Variants in ATP9B observed in about 807,000 individuals in gnomAD.
ATP9B encodes ATPase phospholipid transporting 9B.
ATP9B carries 110 observed loss-of-function variants against 146.1 expected under a neutral mutation model. The ratio of observed to expected loss-of-function variants is 0.75; its 90% CI spans 0.65 to 0.88. The LOEUF (loss-of-function observed/expected upper bound fraction) is 0.88, where lower values mean the gene tolerates loss of function less well. Ranked by LOEUF, ATP9B falls within the 40% of genes least tolerant of loss-of-function variation. The pLI, the probability that ATP9B is intolerant of heterozygous loss-of-function variation, is 0.00. For synonymous variants in ATP9B, 604 were observed against 569.7 expected (o/e 1.06, Z -0.86); for missense variants, 1,499 against 1,496.4 (o/e 1.00, Z -0.03).
intron 1 of ATP9B, among the ~76,000 whole-genome samples, chr18:79,087,123 T>C (rs1490004203): frequency 1.3e-5 from 2 of 152,098 alleles, no homozygotes; most frequent in African/African-American, 4.8e-5. Context: ...TGGGAGAAGA[T>C]GGGAGGGCAA....
Position 79,337,377 on chromosome 18 carries a change from C to T in ATP9B, c.2211C>T (p.Leu737=). 3 of 1,614,060 alleles carry T rather than the reference C, an allele frequency of 1.9e-6. No homozygotes were observed. The highest frequency in any genetic ancestry group is 2.5e-6 in the Non-Finnish European group (3 of 1,180,038). The change falls in exon 19 of 30, where the codon CTC becomes CTT. Residue 737 remains leucine, a synonymous_variant. Coordinates refer to ENST00000426216, the MANE Select transcript of ATP9B (RefSeq NM_198531.5). ...SLEREMELLC[L]TGVEDQLQAD... is the part of the protein sequence containing the mutation. ...AGAGGGAGATGGAACTGCTGTGCCT[C>T]ACCGGCGTGGAGGACCAGCTGCAGG...
At chr18:79,292,206 C>G (rs1042406687) in intron 13 of ATP9B, among the ~76,000 whole-genome samples, 1 of 152,150 alleles carries the variant, frequency 6.6e-6, no homozygotes, top group Non-Finnish European at 1.5e-5. Flanking sequence ...ATTCAGGGTT[C>G]TAGCCAATGC....
At chr18:79,374,492 G>C (rs111613257) in intron 28 of ATP9B, among the ~76,000 whole-genome samples, 2 of 142,830 alleles carry the variant, frequency 1.4e-5, no homozygotes, top group Admixed American at 6.9e-5. Flanking sequence ...GACAGGAGGC[G>C]CTGAGCCCCG....
intron 10 of ATP9B, among the ~76,000 whole-genome samples, chr18:79,212,713 AT>A (rs2095595627): frequency 6.6e-6 from 1 of 152,160 alleles, no homozygotes; most frequent in South Asian, 2.1e-4. Context: ...TATATTTAAT[AT>A]TTCTCTGCGT....
intron 11 of ATP9B, among the ~76,000 whole-genome samples, chr18:79,243,600 C>T (rs1021943666): frequency 2.0e-5 from 3 of 152,224 alleles, no homozygotes; most frequent in Non-Finnish European, 2.9e-5. Context: ...TGTAACATCT[C>T]TTCTGTGCTG....
chr18:79,102,480 T>A (rs1428726365), intron 2 of ATP9B, among the ~76,000 whole-genome samples: 1 of 152,204 alleles, frequency 6.6e-6, no homozygotes, highest in African/African-American at 2.4e-5. Context: ...CTTGGTTCTG[T>A]TCTCTTCTCC....
intron 15 of ATP9B, among the ~76,000 whole-genome samples, chr18:79,314,883 G>A (rs1440083816): frequency 1.3e-5 from 2 of 152,246 alleles, no homozygotes; most frequent in Non-Finnish European, 2.9e-5. Flanking sequence ...CAGAAGCTCG[G>A]TGGGCAGAGC....
At chr18:79,106,417 GTAT>G (rs1327048443) in intron 2 of ATP9B, among the ~76,000 whole-genome samples, 8 of 152,106 alleles carry the variant, frequency 5.3e-5, no homozygotes, top group Admixed American at 5.2e-4. Context: ...CAGTGTTTAT[GTAT>G]CCTTGGGGCT....
chr18:79,348,269 A>G (rs570056), intron 25 of ATP9B, 73 bp downstream of exon 25: 2 of 1,127,826 alleles, frequency 1.8e-6, no homozygotes, highest in Non-Finnish European at 1.3e-6. Context: ...AAAAAAAAAA[A>G]CAAAAAACGT....
In ATP9B at chr18:79,307,247, A is replaced by G; in HGVS notation, c.1773+13A>G. On this transcript the variant is annotated intron_variant, in intron 15 of 29. Transcript: ENST00000426216. Reference sequence around the variant, plus strand: ...CAGCCCGGATGAGGTCAGTCAAAGCACAAAACCGTGGGAGCTTGTCCGTTC... The same window carrying G: ...CAGCCCGGATGAGGTCAGTCAAAGCGCAAAACCGTGGGAGCTTGTCCGTTC... The G allele has an allele frequency of 3.1e-6, 5 of 1,613,988 alleles. No homozygotes were observed. The highest frequency in any genetic ancestry group is 4.2e-6 in the Non-Finnish European group (5 of 1,179,854).
chr18:79,313,501 A>AT (rs1459413758), intron 15 of ATP9B, among the ~76,000 whole-genome samples: 1 of 152,248 alleles, frequency 6.6e-6, no homozygotes, highest in East Asian at 1.9e-4. Context: ...TTTTCCTGCC[A>AT]TAAATATGAG....
intron 27 of ATP9B, among the ~76,000 whole-genome samples, 165 bp from the exon 28 acceptor site, chr18:79,373,733 C>T (rs1290752450): frequency 6.6e-6 from 1 of 152,124 alleles, no homozygotes; most frequent in Non-Finnish European, 1.5e-5. Flanking sequence ...TGGTGATCCA[C>T]CCGCCTCAGC....
At chr18:79,229,520 A>G (rs1023791797) in intron 11 of ATP9B, among the ~76,000 whole-genome samples, 3 of 152,252 alleles carry the variant, frequency 2.0e-5, no homozygotes, top group Non-Finnish European at 2.9e-5. Context: ...TCCAAACAAT[A>G]TAAAGAAAAA....
At chr18:79,130,076 A>G (rs1262662680) in intron 5 of ATP9B, among the ~76,000 whole-genome samples, 3 of 152,222 alleles carry the variant, frequency 2.0e-5, no homozygotes, top group Non-Finnish European at 4.4e-5. Flanking sequence ...ATTACAAAGC[A>G]TGCAACAAAA....
intron 11 of ATP9B, among the ~76,000 whole-genome samples, chr18:79,229,122 G>A (rs1388049824): frequency 6.6e-6 from 1 of 152,308 alleles, no homozygotes; most frequent in South Asian, 2.1e-4. Flanking sequence ...TAATGTTACT[G>A]TTGGTGCTGA....
intron 7 of ATP9B, among the ~76,000 whole-genome samples, chr18:79,160,594 T>C (rs539786325): frequency 1.1e-4 from 16 of 152,360 alleles, no homozygotes; most frequent in African/African-American, 3.8e-4. Flanking sequence ...GAAAAGATTA[T>C]ATAGATTGTG....
At position 79,329,204 on chromosome 18, in the gene ATP9B, A is replaced by G; in HGVS notation, c.1837A>G (p.Met613Val). The change falls in exon 16 of 30, where the codon ATG becomes GTG. Residue 613 changes from methionine to valine, a missense_variant. By Grantham distance (21) the Met-to-Val change is conservative. Transcript: ENST00000426216. ...LTLVSRDLTSMQLKTPSGQVL... is the reference protein window; with the variant it reads ...LTLVSRDLTSVQLKTPSGQVL... ...GCTGGTCAGCAGGGACCTCACCTCC[A>G]TGCAGCTGAAGACCCCCAGTGGCCA... The G allele has an allele frequency of 1.2e-6, 2 of 1,612,640 alleles. No homozygotes were observed. The highest frequency in any genetic ancestry group is 1.7e-5 in the Admixed American group (1 of 59,962).
intron 12 of ATP9B, among the ~76,000 whole-genome samples, chr18:79,271,273 A>G (rs1488868716): frequency 1.3e-5 from 2 of 152,148 alleles, no homozygotes; most frequent in Non-Finnish European, 2.9e-5. Context: ...GTTTTAGGGT[A>G]CATGTGCACA....
At chr18:79,323,878 A>T (rs143645330) in intron 15 of ATP9B, among the ~76,000 whole-genome samples, 1 of 152,342 alleles carries the variant, frequency 6.6e-6, no homozygotes, top group East Asian at 1.9e-4. Flanking sequence ...GGTAACCTCC[A>T]TGCTGCTCTC....
Sources: gnomAD v4.1 joint callset for allele counts (sites outside exome capture counted in the v4.1 genomes callset) on GRCh38, gnomAD v4.1.1 for gene constraint, MANE v1.5 for transcripts, NCBI Gene and HGNC (gene_info 2026-07-23, HGNC 2026-07-21) for gene names.